Variants in IKZF5 observed in about 807,000 individuals in gnomAD.
The protein encoded by IKZF5 is IKAROS family zinc finger 5.
Under a neutral mutation model 30.7 loss-of-function variants are expected in IKZF5, and 4 were observed. The ratio of observed to expected loss-of-function variants is 0.13; its 90% confidence interval spans 0.06 to 0.30. IKZF5 has a LOEUF of 0.30. Ranked by LOEUF, IKZF5 falls within the 10% of genes least tolerant of loss-of-function variation. The pLI, the probability that IKZF5 is intolerant of heterozygous loss-of-function variation, is 1.00. For synonymous variants in IKZF5, 148 were observed against 179.6 expected, an observed-to-expected ratio of 0.82 and a Z score of 1.41; for missense variants, 348 against 525.5, an observed-to-expected ratio of 0.66 and a Z score of 3.30.
At position 122,998,626 on chromosome 10, in the gene IKZF5, C is replaced by A. The variant is rs759528056; in HGVS notation, c.-1G>T. The A allele has an allele frequency of 2.5e-6, 4 of 1,610,816 alleles. No individual in the cohort carries two copies. Among genetic ancestry groups the A allele is most frequent in the Admixed American group, 1.7e-5 (1 of 59,272 alleles). On this transcript the variant is annotated 5_prime_UTR_variant, in exon 3 of 5. Coordinates refer to ENST00000368886, the MANE Select transcript of IKZF5 (RefSeq NM_001372123.1). ...AAGGCTCTGGTTTTTTTTCACCCAT[C>A]TTTGCTTTTTTAACATTTACAGTTT...
At chr10:122,995,408 G>T (rs532457558) in intron 4 of IKZF5, among the ~76,000 whole-genome samples, 1 of 152,246 alleles carries the variant, frequency 6.6e-6, no homozygotes, top group Admixed American at 6.5e-5. Flanking sequence ...TGCCCTCCTA[G>T]GCTCTGGGGG....
chr10:123,003,710 C>T (rs1173946926), intron 2 of IKZF5, among the ~76,000 whole-genome samples: 2 of 152,168 alleles, frequency 1.3e-5, no homozygotes, highest in South Asian at 2.1e-4. Flanking sequence ...CCCCTGATTC[C>T]GTTATTCCCC....
In IKZF5 at chr10:123,008,738, C is replaced by A; in HGVS notation, c.-242G>T. 1 of 581,182 alleles carries A rather than the reference C, an allele frequency of 1.7e-6. No homozygotes were observed. The highest frequency in any genetic ancestry group is 1.9e-5 in the South Asian group (1 of 51,342). 36.0% of individuals were successfully genotyped at this position (581,182 alleles called of 1,614,324 possible). On this transcript the variant is annotated 5_prime_UTR_variant, in exon 1 of 5. Transcript: ENST00000368886. ...GTAAACCACACCGCCTTGTTAAATG[C>A]CGTCGCCGCCGCCGCCGTCTTCGTC...
intron 2 of IKZF5, among the ~76,000 whole-genome samples, chr10:123,003,903 T>C (rs1017770375): frequency 1.3e-5 from 2 of 152,262 alleles, no homozygotes; most frequent in African/African-American, 2.4e-5. Context: ...TTTAAATCAC[T>C]TGCTTTAGTC....
intron 2 of IKZF5, among the ~76,000 whole-genome samples, chr10:123,005,201 T>C (rs1849737210): frequency 6.6e-6 from 1 of 152,218 alleles, no homozygotes; most frequent in Admixed American, 6.5e-5. Context: ...GTTTTCTATC[T>C]GAGCCATTTT....
chr10:122,995,605 T>C (rs1475906762), intron 4 of IKZF5, among the ~76,000 whole-genome samples: 1 of 152,226 alleles, frequency 6.6e-6, no homozygotes, highest in Non-Finnish European at 1.5e-5. Flanking sequence ...GGATTAGCAG[T>C]ACCATCTGCA....
intron 2 of IKZF5, among the ~76,000 whole-genome samples, chr10:122,999,239 T>TACTAGCC (rs1849499001): frequency 6.6e-6 from 1 of 152,238 alleles, no homozygotes; most frequent in South Asian, 2.1e-4. Flanking sequence ...ACGCAGTTGC[T>TACTAGCC]ACTAGCCACA....
At position 122,994,707 on chromosome 10, in the gene IKZF5, T is replaced by A; in HGVS notation, c.333A>T (p.Arg111=). 2 of 1,602,028 alleles carry A rather than the reference T, an allele frequency of 1.2e-6. No individual in the cohort carries two copies. Among genetic ancestry groups the A allele is most frequent in the Non-Finnish European group, 1.7e-6 (2 of 1,175,046 alleles). Residue 111 remains arginine (R), a synonymous_variant, in exon 5 of 5, where the codon CGA becomes CGT. Coordinates refer to ENST00000368886, the MANE Select transcript of IKZF5 (RefSeq NM_001372123.1). The surrounding 1 kb of genome is among the most constrained non-coding windows in gnomAD (Gnocchi z 5.6). ...CAGATGCAAATGGACAAAGATGACA[T>A]CGATGAGGTTTTTCACCTGTTTCAA... ...IRIHTGEKPH[R]CHLCPFASAY... is the part of the protein sequence containing the mutation.
rs984290727 is a variant in IKZF5, at chr10:122,991,914, A to G, written c.*1866T>C. 5 of 152,178 alleles carry G rather than the reference A, an allele frequency of 3.3e-5. No individual in the cohort carries two copies. Among genetic ancestry groups the G allele is most frequent in the African/African-American group, 1.2e-4 (5 of 41,472 alleles). The allele number at this position is 152,178 out of a possible 1,614,324, so 9.4% of individuals were successfully genotyped here. A position where few individuals can be genotyped will look rare whatever the true frequency, so the allele number is the denominator to read the frequency against. On this transcript the variant is annotated 3_prime_UTR_variant, in exon 5 of 5. Coordinates refer to ENST00000368886, the MANE Select transcript of IKZF5 (RefSeq NM_001372123.1). ...TGTTTCATGAAAATTTTCATTTTCT[A>G]TTTTGGGGTACTGCTTTTATCTGAA...
chr10:123,008,751 C>T lies in IKZF5; in HGVS notation c.-255G>A, dbSNP rs916399128. The T allele has an allele frequency of 1.7e-6, 1 of 596,402 alleles. No homozygotes were observed. Among genetic ancestry groups the T allele is most frequent in the Non-Finnish European group, 3.0e-6 (1 of 333,718 alleles). 36.9% of individuals were successfully genotyped at this position (596,402 alleles called of 1,614,324 possible). A position where few individuals can be genotyped will look rare whatever the true frequency, so the allele number is the denominator to read the frequency against. On this transcript the variant is annotated 5_prime_UTR_variant, in exon 1 of 5. Transcript: ENST00000368886. Reference sequence around the variant, plus strand: ...CCTTGTTAAATGCCGTCGCCGCCGCCGCCGTCTTCGTCACCGTCACAGTCG... The same window carrying T: ...CCTTGTTAAATGCCGTCGCCGCCGCTGCCGTCTTCGTCACCGTCACAGTCG...
In IKZF5 at chr10:122,998,680, AT is replaced by A; in HGVS notation, c.-46-10del. On this transcript the variant is annotated splice_polypyrimidine_tract_variant and intron_variant, in intron 2 of 4. Transcript: ENST00000368886. ...AGACCTAGAAAACAAAACTGAAACA[AT>A]TTTACACTATTTAGGGAGATCTAGT... The A allele has an allele frequency of 6.7e-7, 1 of 1,494,268 alleles. No individual in the cohort carries two copies. The highest frequency in any genetic ancestry group is 9.3e-7 in the Non-Finnish European group (1 of 1,080,168). 92.6% of individuals were successfully genotyped at this position (1,494,268 alleles called of 1,614,324 possible). A position where few individuals can be genotyped will look rare whatever the true frequency, so the allele number is the denominator to read the frequency against.
chr10:122,996,328 T>C, intron 3 of IKZF5, 152 bp from the exon 4 acceptor site: 1 of 643,686 alleles, frequency 1.6e-6, no homozygotes, highest in South Asian at 1.9e-5. Flanking sequence ...GAACTGAGGC[T>C]AATTTTATAC....
At chr10:122,999,950 ATCT>A (rs1424933827) in intron 2 of IKZF5, among the ~76,000 whole-genome samples, 2 of 152,236 alleles carry the variant, frequency 1.3e-5, no homozygotes, top group Non-Finnish European at 2.9e-5. Context: ...ACCTTATAAA[ATCT>A]TCTTTTTCTA....
rs537538717 is a variant in IKZF5, at chr10:122,998,354, G to C, written c.133+139C>G. Reference sequence around the variant, plus strand: ...AGAAGTCTGATATGTTTAAAAAAGGGGGAAAAAATGCCCTGTATCTTTCTA... The same window carrying C: ...AGAAGTCTGATATGTTTAAAAAAGGCGGAAAAAATGCCCTGTATCTTTCTA... On this transcript the variant is annotated intron_variant, in intron 3 of 4. Transcript: ENST00000368886. 15 of 645,348 alleles carry C rather than the reference G, an allele frequency of 2.3e-5. 1 individual carries two copies. Among genetic ancestry groups the C allele is most frequent in the Admixed American group, 3.4e-5 (1 of 29,760 alleles). The allele number at this position is 645,348 out of a possible 1,614,324, so 40.0% of individuals were successfully genotyped here. A position where few individuals can be genotyped will look rare whatever the true frequency, so the allele number is the denominator to read the frequency against.
At chr10:123,003,468 C>A (rs1849671317) in intron 2 of IKZF5, among the ~76,000 whole-genome samples, 1 of 152,110 alleles carries the variant, frequency 6.6e-6, no homozygotes, top group African/African-American at 2.4e-5. Context: ...GGAGGGACAA[C>A]TTTAAGACTA....
intron 3 of IKZF5, among the ~76,000 whole-genome samples, chr10:122,996,810 A>G (rs895783899): frequency 1.3e-5 from 2 of 152,254 alleles, no homozygotes; most frequent in Non-Finnish European, 2.9e-5. Context: ...GATTCACTGG[A>G]GAGTGATGGC....
At chr10:123,004,640 A>AG in intron 2 of IKZF5, among the ~76,000 whole-genome samples, 1 of 152,000 alleles carries the variant, frequency 6.6e-6, no homozygotes, top group East Asian at 1.9e-4. Context: ...AAAAAAAAAA[A>AG]AAGCATGTCT....
At chr10:122,995,474 T>C (rs1035875058) in intron 4 of IKZF5, among the ~76,000 whole-genome samples, 2 of 150,710 alleles carry the variant, frequency 1.3e-5, no homozygotes, top group Admixed American at 6.6e-5. Flanking sequence ...CAGGCTACAA[T>C]GATGTGATGA....
Position 122,993,540 on chromosome 10 carries a change from T to C in IKZF5, c.*240A>G, listed in dbSNP as rs1428210844. On this transcript the variant is annotated 3_prime_UTR_variant, in exon 5 of 5. Coordinates refer to ENST00000368886, the MANE Select transcript of IKZF5 (RefSeq NM_001372123.1). Reference sequence around the variant, plus strand: ...TTATGACTGCACTCCAATTCTCCAATGTCGAAAGGAAAGGAAAAAAGAGAC... The same window carrying C: ...TTATGACTGCACTCCAATTCTCCAACGTCGAAAGGAAAGGAAAAAAGAGAC... 2 of 315,262 alleles carry C rather than the reference T, an allele frequency of 6.3e-6. No individual in the cohort carries two copies. Among genetic ancestry groups the C allele is most frequent in the Non-Finnish European group, 1.2e-5 (2 of 173,266 alleles). 19.5% of individuals were successfully genotyped at this position (315,262 alleles called of 1,614,324 possible).
Sources: allele counts gnomAD v4.1 joint callset (sites outside exome capture counted in the v4.1 genomes callset), GRCh38; gene constraint gnomAD v4.1.1; non-coding constraint Gnocchi (gnomAD v3.1); transcripts MANE v1.5; gene names NCBI Gene and HGNC (gene_info 2026-07-23, HGNC 2026-07-21).